MAB21L4: variants seen among roughly 807,000 people sequenced by gnomAD.
MAB21L4 encodes mab-21 like 4.
Under a neutral mutation model 32.4 loss-of-function variants are expected in MAB21L4, and 25 were observed. The ratio of observed to expected loss-of-function variants is 0.77; its 90% CI spans 0.56 to 1.08. MAB21L4 has a LOEUF of 1.08. Ranked by LOEUF, MAB21L4 falls within the 50% of genes least tolerant of loss-of-function variation. The pLI is 0.00. For missense variants in MAB21L4, 638 were observed against 611.0 expected, an observed-to-expected ratio of 1.04 and a Z score of -0.47; for synonymous variants, 280 against 276.8, an observed-to-expected ratio of 1.01 and a Z score of -0.11.
chr2:240,891,668 C>G lies in MAB21L4; in HGVS notation c.610G>C (p.Val204Leu). Residue 204 changes from valine (V) to leucine (L), a missense_variant, in exon 2 of 5, where the codon GTG (valine) becomes CTG (leucine). Transcript: ENST00000388934. ...WRTISFHVVP[V>L]VRRKLGAPAL... ...GGCGCCCCAAGCTTCCTTCTCACCACGGGCACCACGTGGAAGCTGATTGTT... is the reference window on the plus strand; with the variant it reads ...GGCGCCCCAAGCTTCCTTCTCACCAGGGGCACCACGTGGAAGCTGATTGTT... The G allele has an allele frequency of 6.2e-7, 1 of 1,609,244 alleles. No homozygotes were observed. The highest frequency in any genetic ancestry group is 8.5e-7 in the Non-Finnish European group (1 of 1,179,982).
At position 240,896,091 on chromosome 2, in the gene MAB21L4, T is replaced by A. The variant is rs1574731138; in HGVS notation, c.-94A>T. On this transcript the variant is annotated 5_prime_UTR_variant, in exon 1 of 5. Transcript: ENST00000388934. The stretch of plus-strand genomic sequence containing the variant: ...GGCTGTGAGGAGGCACCTGCCCAGG[T>A]GAGCAGCAGGTCTGCAGGTGGGGCC... 7.3e-7 allele frequency: 1 copy of A among 1,376,682 alleles called. No homozygotes were observed. Among genetic ancestry groups the A allele is most frequent in the Non-Finnish European group, 9.3e-7 (1 of 1,072,092 alleles). 85.3% of individuals were successfully genotyped at this position (1,376,682 alleles called of 1,614,324 possible).
At chr2:240,890,216 G>C in intron 2 of MAB21L4, 58 bp from the exon 3 acceptor site, 1 of 1,551,922 alleles carries the variant, frequency 6.4e-7, no homozygotes, top group Non-Finnish European at 8.7e-7. Flanking sequence ...CCCAGCATGG[G>C]GAGCTTCTGA....
At position 240,891,679 on chromosome 2, in the gene MAB21L4, T is replaced by G. The variant is rs2059151431; in HGVS notation, c.599A>C (p.His200Pro). The G allele has an allele frequency of 6.2e-7, 1 of 1,609,390 alleles. No homozygotes were observed. The highest frequency in any genetic ancestry group is 1.3e-5 in the African/African-American group (1 of 74,928). The change falls in exon 2 of 5, where the codon CAC becomes CCC. Residue 200 changes from histidine to proline, a missense_variant. By Grantham distance (77) the His-to-Pro change is moderately conservative (BLOSUM62 -2). Coordinates refer to ENST00000388934, the MANE Select transcript of MAB21L4 (RefSeq NM_001085437.3). The stretch of plus-strand genomic sequence containing the variant: ...CTTCCTTCTCACCACGGGCACCACG[T>G]GGAAGCTGATTGTTCTCCAGCCGCT... Reference protein sequence around the residue: ...VSSGWRTISFHVVPVVRRKLG... With the variant: ...VSSGWRTISFPVVPVVRRKLG...
In MAB21L4 at chr2:240,887,009, T is replaced by TGGTGC. The variant is rs2059100932; in HGVS notation, c.*56_*60dup. 2 of 1,263,324 alleles carry TGGTGC rather than the reference T, an allele frequency of 1.6e-6. No individual in the cohort carries two copies. Among genetic ancestry groups the TGGTGC allele is most frequent in the Non-Finnish European group, 2.3e-6 (2 of 865,326 alleles). The allele number at this position is 1,263,324 out of a possible 1,614,324, so 78.3% of individuals were successfully genotyped here. A position where few individuals can be genotyped will look rare whatever the true frequency, so the allele number is the denominator to read the frequency against. On this transcript the variant is annotated 3_prime_UTR_variant, in exon 5 of 5. Coordinates refer to ENST00000388934, the MANE Select transcript of MAB21L4 (RefSeq NM_001085437.3). ...TTCCAAACATCCCAGGAGCCTCCCA[T>TGGTGC]GGTGCAGTGCAGAGTCTGTTGGGGA...
chr2:240,887,738 G>A (rs906107308), intron 4 of MAB21L4, among the ~76,000 whole-genome samples: 5 of 152,276 alleles, frequency 3.3e-5, no homozygotes, highest in Middle Eastern at 3.4e-3. Flanking sequence ...GGTGAGGGCC[G>A]GGCCCTGGGC....
rs2059181880 is a variant in MAB21L4, at chr2:240,895,713, C to T, written c.285G>A (p.Glu95=). ...CCTCCGGCTGGGTGGCCTCTGGTTC[C>T]TCAATCAGTAGAGCCTCGGCATCCA... ...LWVDAEALLI[E]EPEATQPEDG... is the part of the protein sequence containing the mutation. Residue 95 remains glutamate, a synonymous_variant, in exon 1 of 5, where the codon GAG becomes GAA. Coordinates refer to ENST00000388934, the MANE Select transcript of MAB21L4 (RefSeq NM_001085437.3). The T allele has an allele frequency of 6.2e-7, 1 of 1,612,826 alleles. No homozygotes were observed. Among genetic ancestry groups the T allele is most frequent in the African/African-American group, 1.3e-5 (1 of 74,950 alleles).
intron 1 of MAB21L4, 191 bp from the exon 2 acceptor site, chr2:240,891,954 C>A: frequency 6.4e-7 from 1 of 1,557,370 alleles, no homozygotes; most frequent in Non-Finnish European, 8.7e-7. Flanking sequence ...GGACCTCAGC[C>A]AAGTGAGGAG....
chr2:240,893,501 G>T (rs1215460143), intron 1 of MAB21L4, among the ~76,000 whole-genome samples: 1 of 152,240 alleles, frequency 6.6e-6, no homozygotes, highest in African/African-American at 2.4e-5. Flanking sequence ...CACTGCCCGT[G>T]ACCTGGCAGC....
At chr2:240,892,035 T>C in intron 1 of MAB21L4, 1 of 1,484,938 alleles carries the variant, frequency 6.7e-7, no homozygotes, top group Non-Finnish European at 9.0e-7. Context: ...GCAGCACCAG[T>C]GATGACAGCA....
At chr2:240,891,457 G>T in intron 2 of MAB21L4, 81 bp downstream of exon 2, 1 of 1,325,786 alleles carries the variant, frequency 7.5e-7, no homozygotes, top group Non-Finnish European at 1.0e-6. Flanking sequence ...GATCCTCCTG[G>T]CTGGGGCCAG....
chr2:240,893,758 G>A (rs1403899590), intron 1 of MAB21L4, among the ~76,000 whole-genome samples: 1 of 152,212 alleles, frequency 6.6e-6, no homozygotes, highest in Non-Finnish European at 1.5e-5. Flanking sequence ...GGCGTGAGGA[G>A]CCTGGCGGCT....
At chr2:240,892,067 T>A in intron 1 of MAB21L4, 6 of 1,444,798 alleles carry the variant, frequency 4.2e-6, no homozygotes, top group Non-Finnish European at 5.5e-6. Context: ...GAGGTTTTCC[T>A]TTGCCAGGCA....
chr2:240,890,009 A>T lies in MAB21L4; in HGVS notation c.890T>A (p.Leu297Gln), dbSNP rs2059129829. ...GQTDGLTFGH[L>Q]KMVLLWASVL... ...GCCGAGTCCCGCCCTGGGTACCTTC[A>T]GGTGGCCAAAGGTCAGGCCGTCAGT... is the stretch of plus-strand genomic sequence containing the variant. The change falls in exon 3 of 5, where the codon CTG becomes CAG. Residue 297 changes from leucine (L) to glutamine (Q), a missense_variant. Physicochemically the swap from Leu to Gln is moderately radical, Grantham distance 113 (BLOSUM62 -2). Transcript: ENST00000388934. The T allele has an allele frequency of 6.2e-7, 1 of 1,608,558 alleles. No individual in the cohort carries two copies. Among genetic ancestry groups the T allele is most frequent in the South Asian group, 1.1e-5 (1 of 90,662 alleles).
Position 240,895,609 on chromosome 2 carries a change from G to A in MAB21L4, c.389C>T (p.Thr130Ile). ...LERWTTEDTF[T>I]ASSEGDAKCR... The stretch of plus-strand genomic sequence containing the variant: ...CTTGGCGTCACCCTCCGAGGAGGCA[G>A]TGAAGGTATCCTCGGTGGTCCACCG... The change falls in exon 1 of 5, where the codon ACT becomes ATT. Residue 130 changes from threonine (T) to isoleucine (I), a missense_variant. Transcript: ENST00000388934. 6.2e-7 allele frequency: 1 copy of A among 1,612,942 alleles called. No individual in the cohort carries two copies. Among genetic ancestry groups the A allele is most frequent in the Non-Finnish European group, 8.5e-7 (1 of 1,179,988 alleles).
rs760859546 is a variant in MAB21L4 at position 240,895,975 on chromosome 2, G to A, written c.23C>T (p.Thr8Ile). The change falls in exon 1 of 5, where the codon ACC becomes ATC. Residue 8 changes from threonine to isoleucine, a missense_variant. By Grantham distance (89) the Thr-to-Ile change is moderately conservative (BLOSUM62 -1). Coordinates refer to ENST00000388934, the MANE Select transcript of MAB21L4 (RefSeq NM_001085437.3). MPAPALP[T>I]SAMAVQVPLW... ...GGGCACCTGCACGGCCATGGCTGAG[G>A]TGGGGAGAGCAGGGGCAGGCATCCC... is the stretch of plus-strand genomic sequence containing the variant. The A allele has an allele frequency of 6.1e-6, 9 of 1,464,646 alleles. No homozygotes were observed. The highest frequency in any genetic ancestry group is 7.2e-6 in the Non-Finnish European group (8 of 1,113,454). The allele number at this position is 1,464,646 out of a possible 1,614,324, so 90.7% of individuals were successfully genotyped here.
chr2:240,894,726 A>G (rs535412799), intron 1 of MAB21L4, among the ~76,000 whole-genome samples: 1 of 152,222 alleles, frequency 6.6e-6, no homozygotes, highest in South Asian at 2.1e-4. Context: ...AATCGCTTGA[A>G]CCCAGGAGGC....
chr2:240,886,842 G>A lies in MAB21L4; in HGVS notation c.*228C>T. ...TCAACATGCACCACATGGAGAGCTT[G>A]GCACCTGCATCCAGGCCCTGACCCA... On this transcript the variant is annotated 3_prime_UTR_variant, in exon 5 of 5. Transcript: ENST00000388934. 1 of 530,942 alleles carries A rather than the reference G, an allele frequency of 1.9e-6. No individual in the cohort carries two copies. The highest frequency in any genetic ancestry group is 3.3e-6 in the Non-Finnish European group (1 of 299,078). 32.9% of individuals were successfully genotyped at this position (530,942 alleles called of 1,614,324 possible). A position where few individuals can be genotyped will look rare whatever the true frequency, so the allele number is the denominator to read the frequency against.
chr2:240,895,689 C>T lies in MAB21L4; in HGVS notation c.309G>A (p.Glu103=). The T allele has an allele frequency of 6.2e-7, 1 of 1,612,940 alleles. No homozygotes were observed. Among genetic ancestry groups the T allele is most frequent in the South Asian group, 1.1e-5 (1 of 91,082 alleles). Residue 103 remains glutamate (E), a synonymous_variant, in exon 1 of 5, where the codon GAG becomes GAA. Coordinates refer to ENST00000388934, the MANE Select transcript of MAB21L4 (RefSeq NM_001085437.3). ...LIEEPEATQP[E]DGLELCHLGV... ...CCAGGTGGCATAATTCAAGGCCATC[C>T]TCCGGCTGGGTGGCCTCTGGTTCCT...
chr2:240,888,205 A>C, intron 4 of MAB21L4, 87 bp downstream of exon 4: 1 of 1,102,338 alleles, frequency 9.1e-7, no homozygotes, highest in Non-Finnish European at 1.3e-6. Context: ...CTGACCTGGG[A>C]GAGAATGGGC....
Sources: gnomAD v4.1 joint callset for allele counts (sites outside exome capture counted in the v4.1 genomes callset) on GRCh38, gnomAD v4.1.1 for gene constraint, MANE v1.5 for transcripts, NCBI Gene and HGNC (gene_info 2026-07-23, HGNC 2026-07-21) for gene names.